Variants in MRPL15 observed in about 807,000 individuals in gnomAD.
MRPL15 encodes large ribosomal subunit protein uL15m.
A neutral mutation model predicts 28.0 loss-of-function variants in MRPL15; 24 were observed. The observed-to-expected ratio is 0.86, with a 90% confidence interval of 0.62 to 1.21. The LOEUF (loss-of-function observed/expected upper bound fraction) is 1.21. Ranked by LOEUF, MRPL15 falls within the 50% of genes most tolerant of loss-of-function variation. MRPL15 has a pLI of 0.00. For missense variants in MRPL15, 343 were observed against 372.4 expected (o/e 0.92, Z 0.65); for synonymous variants, 124 against 137.0 (o/e 0.90, Z 0.66).
intron 4 of MRPL15, among the ~76,000 whole-genome samples, chr8:54,144,119 C>T (rs1451175034): frequency 6.6e-6 from 1 of 152,202 alleles, no homozygotes; most frequent in East Asian, 1.9e-4. Flanking sequence ...CTTTCTTTCC[C>T]ATCTCTCAGG....
intron 3 of MRPL15, among the ~76,000 whole-genome samples, chr8:54,140,736 G>T (rs1259168218): frequency 6.6e-6 from 1 of 151,792 alleles, no homozygotes; most frequent in Non-Finnish European, 1.5e-5. Context: ...ACCATGGCCG[G>T]CTAATTTATT....
Position 54,147,836 on chromosome 8 carries a change from A to G in MRPL15, c.*117A>G, listed in dbSNP as rs1336341845. ...TTTCCAGATGGTGATGTTACTTTTC[A>G]GTGTACTCATATGTCTCATTTTCAT... On this transcript the variant is annotated 3_prime_UTR_variant, in exon 5 of 5. Transcript: ENST00000260102. 3 of 879,762 alleles carry G rather than the reference A, an allele frequency of 3.4e-6. No homozygotes were observed. Among genetic ancestry groups the G allele is most frequent in the Non-Finnish European group, 5.1e-6 (3 of 587,898 alleles). The allele number at this position is 879,762 out of a possible 1,614,324, so 54.5% of individuals were successfully genotyped here.
At position 54,147,709 on chromosome 8, in the gene MRPL15, A is replaced by G. The variant is rs1227610219; in HGVS notation, c.881A>G (p.Tyr294Cys). 3 of 1,606,812 alleles carry G rather than the reference A, an allele frequency of 1.9e-6. No homozygotes were observed. Among genetic ancestry groups the G allele is most frequent in the African/African-American group, 1.3e-5 (1 of 74,680 alleles). ...KPTDENLLKY[Y>C]TS ...ACAGATGAAAATCTCCTTAAGTATT[A>G]TACCTCATGAATTCCCGTCCAAGGA... The change falls in exon 5 of 5, where the codon TAT becomes TGT. Residue 294 changes from tyrosine (Y) to cysteine (C), a missense_variant. Physicochemically the swap from Tyr to Cys is radical, Grantham distance 194. Transcript: ENST00000260102.
At chr8:54,135,836 A>AAT (rs1176416948) in intron 1 of MRPL15, among the ~76,000 whole-genome samples, 3 of 152,162 alleles carry the variant, frequency 2.0e-5, no homozygotes, top group African/African-American at 7.2e-5. Flanking sequence ...CCCAGTTCTT[A>AAT]ATAAGGTTAT....
Position 54,137,322 on chromosome 8 carries a change from T to C in MRPL15, c.318T>C (p.Asp106=). The stretch of plus-strand genomic sequence containing the variant: ...TCAATAGACTGCAGTATCTTATTGA[T>C]TTGGGTCGTGTTGATCCTAGTCAAC... The part of the protein sequence containing the change: ...LSLNRLQYLI[D]LGRVDPSQPI... Residue 106 remains aspartate (D), a synonymous_variant, in exon 3 of 5, where the codon GAT becomes GAC. Transcript: ENST00000260102. 6.2e-7 allele frequency: 1 copy of C among 1,614,070 alleles called. No individual in the cohort carries two copies. The highest frequency in any genetic ancestry group is 8.5e-7 in the Non-Finnish European group (1 of 1,179,994).
At position 54,148,442 on chromosome 8, in the gene MRPL15, C is replaced by T. The variant is rs1402517040; in HGVS notation, c.*723C>T. Among the ~76,000 whole-genome samples the T allele has an allele frequency of 2.0e-5, 3 of 152,192 alleles. No homozygotes were observed. Among genetic ancestry groups the T allele is most frequent in the Non-Finnish European group, 4.4e-5 (3 of 68,034 alleles). On this transcript the variant is annotated 3_prime_UTR_variant, in exon 5 of 5. Transcript: ENST00000260102. ...GCCTCACGGATTCCAAAGAATGGAA[C>T]CTTGGGCCATGTGGTCAGTGTTATA...
intron 3 of MRPL15, among the ~76,000 whole-genome samples, chr8:54,141,067 C>T (rs1257952789): frequency 6.6e-6 from 1 of 152,164 alleles, no homozygotes; most frequent in Non-Finnish European, 1.5e-5. Context: ...CCACCTGCTC[C>T]AGCCTGCATA....
chr8:54,135,734 A>C (rs1810818854), intron 1 of MRPL15, among the ~76,000 whole-genome samples: 1 of 151,794 alleles, frequency 6.6e-6, no homozygotes, highest in Non-Finnish European at 1.5e-5. Flanking sequence ...CGTGTTGGCC[A>C]GGCTGGTTTT....
intron 1 of MRPL15, among the ~76,000 whole-genome samples, chr8:54,135,852 C>T (rs1272629843): frequency 6.6e-6 from 1 of 152,272 alleles, no homozygotes; most frequent in South Asian, 2.1e-4. Flanking sequence ...GTTATGTTTA[C>T]AAGTGTAAAG....
chr8:54,135,794 AT>A (rs1810820235), intron 1 of MRPL15, among the ~76,000 whole-genome samples: 3 of 151,970 alleles, frequency 2.0e-5, no homozygotes, highest in Non-Finnish European at 4.4e-5. Flanking sequence ...AAGTGCTGGG[AT>A]TACAGGCGTG....
At chr8:54,137,666 G>A (rs1645849938) in intron 3 of MRPL15, among the ~76,000 whole-genome samples, 1 of 152,118 alleles carries the variant, frequency 6.6e-6, no homozygotes, top group Admixed American at 6.5e-5. Flanking sequence ...GTTTCACTAT[G>A]TTGGCCAGGC....
chr8:54,147,944 A>G lies in MRPL15; in HGVS notation c.*225A>G. 4.2e-6 allele frequency: 2 copies of G among 472,826 alleles called. No homozygotes were observed. The highest frequency in any genetic ancestry group is 7.4e-6 in the Non-Finnish European group (2 of 268,682). The allele number at this position is 472,826 out of a possible 1,614,324, so 29.3% of individuals were successfully genotyped here. A position where few individuals can be genotyped will look rare whatever the true frequency, so the allele number is the denominator to read the frequency against. On this transcript the variant is annotated 3_prime_UTR_variant, in exon 5 of 5. Transcript: ENST00000260102. The stretch of plus-strand genomic sequence containing the variant: ...CTGTCTCAAAGATACAAACTCCCTG[A>G]TAGTCTATGGAAGGAAAATGACAAC...
At chr8:54,141,969 C>T (rs1475229615) in intron 3 of MRPL15, among the ~76,000 whole-genome samples, 1 of 151,404 alleles carries the variant, frequency 6.6e-6, no homozygotes, top group African/African-American at 2.4e-5. Context: ...TCTCCTGCCT[C>T]AGCCTCGAAA....
rs1810806361 is a variant in MRPL15 at position 54,135,253 on chromosome 8, G to A, written c.-31G>A. ...CCACGTGGCCTCCGAGCAGCTCAGG[G>A]CGCCCTTGAAAGTTCTTGGATCTGC... is the stretch of plus-strand genomic sequence containing the variant. On this transcript the variant is annotated 5_prime_UTR_variant, in exon 1 of 5. Transcript: ENST00000260102. The A allele has an allele frequency of 7.7e-7, 1 of 1,299,052 alleles. No homozygotes were observed. Among genetic ancestry groups the A allele is most frequent in the East Asian group, 3.1e-5 (1 of 31,810 alleles). 80.5% of individuals were successfully genotyped at this position (1,299,052 alleles called of 1,614,324 possible).
At chr8:54,136,463 T>C (rs752798280) in intron 1 of MRPL15, 48 bp from the exon 2 acceptor site, 1 of 1,582,292 alleles carries the variant, frequency 6.3e-7, no homozygotes, top group Non-Finnish European at 8.6e-7. Context: ...GAAATGCAGT[T>C]TTTAGAAATG....
intron 1 of MRPL15, among the ~76,000 whole-genome samples, chr8:54,135,813 G>A (rs961763285): frequency 1.3e-5 from 2 of 151,910 alleles, no homozygotes; most frequent in Non-Finnish European, 2.9e-5. Flanking sequence ...GTGAGCCACC[G>A]CCCCCGGCCG....
intron 1 of MRPL15, among the ~76,000 whole-genome samples, chr8:54,135,639 C>T (rs1424231600): frequency 4.0e-5 from 6 of 149,806 alleles, no homozygotes; most frequent in African/African-American, 1.2e-4. Context: ...ATTCTCCTGC[C>T]TCAGCCTCCC....
At chr8:54,137,130 A>ATG in intron 2 of MRPL15, 138 bp from the exon 3 acceptor site, 1 of 809,952 alleles carries the variant, frequency 1.2e-6, no homozygotes, top group South Asian at 1.8e-5. Context: ...GCAGTATTAC[A>ATG]TGTTTGTGTT....
chr8:54,136,523 A>G lies in MRPL15; in HGVS notation c.121A>G (p.Arg41Gly). The G allele has an allele frequency of 6.2e-7, 1 of 1,612,580 alleles. No individual in the cohort carries two copies. Among genetic ancestry groups the G allele is most frequent in the Non-Finnish European group, 8.5e-7 (1 of 1,179,544 alleles). The change falls in exon 2 of 5, where the codon AGA becomes GGA. Residue 41 changes from arginine to glycine, a missense_variant. By Grantham distance (125) the Arg-to-Gly change is moderately radical. Transcript: ENST00000260102. The stretch of plus-strand genomic sequence containing the variant: ...TTTTTCCTTGCAGGAGAGAAGACCA[A>G]GAGGTCGGAGAAGAGGTAGAAAATG... ...PGSKKPERRP[R>G]GRRRGRKCGR...
Sources: gnomAD v4.1 joint callset for allele counts (sites outside exome capture counted in the v4.1 genomes callset) on GRCh38, gnomAD v4.1.1 for gene constraint, MANE v1.5 for transcripts, NCBI Gene and HGNC (gene_info 2026-07-23, HGNC 2026-07-21) for gene names.